LHFPL3: variants seen among roughly 807,000 people sequenced by gnomAD.
The protein encoded by LHFPL3 is LHFPL tetraspan subfamily member 3.
LHFPL3 carries 5 observed loss-of-function variants against 19.3 expected under a neutral mutation model. That is an observed-to-expected ratio of 0.26 (90% confidence interval 0.14 to 0.54). The LOEUF (loss-of-function observed/expected upper bound fraction) is 0.54. Ranked by LOEUF, LHFPL3 falls within the 20% of genes least tolerant of loss-of-function variation. The pLI is 0.94. For missense variants in LHFPL3, 249 were observed against 307.4 expected, an observed-to-expected ratio of 0.81 and a Z score of 1.42; for synonymous variants, 133 against 126.2, an observed-to-expected ratio of 1.05 and a Z score of -0.36.
intron 1 of LHFPL3, among the ~76,000 whole-genome samples, chr7:104,608,664 A>T (rs1341927401): frequency 2.6e-5 from 4 of 151,958 alleles, no homozygotes; most frequent in Admixed American, 6.6e-5. Flanking sequence ...ATAATAATAA[A>T]AAGAAAAAGG....
intron 1 of LHFPL3, among the ~76,000 whole-genome samples, chr7:104,608,680 C>T (rs929487671): frequency 2.0e-5 from 3 of 151,966 alleles, no homozygotes; most frequent in Admixed American, 6.5e-5. Context: ...AAAGGGGTGC[C>T]AAGCCTAAGA....
At chr7:104,559,892 G>A (rs1789948178) in intron 1 of LHFPL3, among the ~76,000 whole-genome samples, 1 of 145,402 alleles carries the variant, frequency 6.9e-6, no homozygotes, top group African/African-American at 2.8e-5. Flanking sequence ...TAGCATGAAG[G>A]TTGTTGAATT....
At chr7:104,522,219 G>A (rs1411232686) in intron 1 of LHFPL3, among the ~76,000 whole-genome samples, 5 of 152,056 alleles carry the variant, frequency 3.3e-5, no homozygotes, top group Non-Finnish European at 7.4e-5. Flanking sequence ...AAAAATTGGC[G>A]AGTTCATGTC....
intron 1 of LHFPL3, among the ~76,000 whole-genome samples, chr7:104,395,711 T>C (rs1056388382): frequency 3.9e-5 from 6 of 152,200 alleles, no homozygotes; most frequent in Admixed American, 1.3e-4. Flanking sequence ...TCCCAAACAT[T>C]CAATACTTTA....
At chr7:104,521,959 C>T (rs1376951387) in intron 1 of LHFPL3, among the ~76,000 whole-genome samples, 1 of 152,010 alleles carries the variant, frequency 6.6e-6, no homozygotes, top group African/African-American at 2.4e-5. Context: ...CTAGTTCAAC[C>T]ATTGTGGAAG....
At chr7:104,361,576 A>C (rs1050076265) in intron 1 of LHFPL3, among the ~76,000 whole-genome samples, 1 of 152,216 alleles carries the variant, frequency 6.6e-6, no homozygotes, top group African/African-American at 2.4e-5. Flanking sequence ...CCTTGGGATT[A>C]ACGAGATAAT....
chr7:104,619,953 C>T (rs1190921294), intron 1 of LHFPL3, among the ~76,000 whole-genome samples: 2 of 152,186 alleles, frequency 1.3e-5, no homozygotes, highest in Non-Finnish European at 2.9e-5. Context: ...CAGTCTAGAT[C>T]CCTTGCATGT....
intron 2 of LHFPL3, 95 bp downstream of exon 2, chr7:104,737,006 A>G (rs4236573): frequency 1.0e-6 from 1 of 969,496 alleles, no homozygotes; most frequent in Non-Finnish European, 1.6e-6. Flanking sequence ...GCTTCCCCTG[A>G]GGTTCTAATT....
intron 1 of LHFPL3, among the ~76,000 whole-genome samples, chr7:104,479,687 C>A (rs1321320319): frequency 6.6e-6 from 1 of 152,168 alleles, no homozygotes; most frequent in Non-Finnish European, 1.5e-5. Context: ...CCACTACGCC[C>A]GTCCTCTTCT....
At chr7:104,352,368 C>A (rs1470097035) in intron 1 of LHFPL3, among the ~76,000 whole-genome samples, 1 of 152,072 alleles carries the variant, frequency 6.6e-6, no homozygotes, top group Non-Finnish European at 1.5e-5. Context: ...TCTTAGAATA[C>A]TACCAAGTAT....
At chr7:104,429,559 G>A (rs1277948131) in intron 1 of LHFPL3, among the ~76,000 whole-genome samples, 2 of 151,032 alleles carry the variant, frequency 1.3e-5, no homozygotes, top group Admixed American at 6.6e-5. Context: ...CAGATGATCC[G>A]CCTGCCTCAG....
intron 1 of LHFPL3, among the ~76,000 whole-genome samples, chr7:104,495,676 C>T (rs1407113901): frequency 1.3e-5 from 2 of 152,152 alleles, no homozygotes; most frequent in African/African-American, 4.8e-5. Context: ...AGCTAACGCG[C>T]CTGGCCTAAA....
chr7:104,532,284 TG>T (rs200460223), intron 1 of LHFPL3, among the ~76,000 whole-genome samples: 1,600 of 117,514 alleles, frequency 0.014, 26 homozygotes, highest in African/African-American at 0.044. Flanking sequence ...GCTTGGCTAA[TG>T]TTTTTTTTTT....
chr7:104,352,490 C>T (rs1188608960), intron 1 of LHFPL3, among the ~76,000 whole-genome samples: 1 of 152,188 alleles, frequency 6.6e-6, no homozygotes, highest in Non-Finnish European at 1.5e-5. Context: ...GGCATCCAAT[C>T]TACCTTCCTG....
chr7:104,810,900 TTTAA>T (rs1790452578), intron 2 of LHFPL3, among the ~76,000 whole-genome samples: 1 of 152,206 alleles, frequency 6.6e-6, no homozygotes, highest in Admixed American at 6.5e-5. Context: ...CTCTATGGTG[TTTAA>T]TTAAGACACA....
chr7:104,449,392 G>A (rs1213538089), intron 1 of LHFPL3, among the ~76,000 whole-genome samples: 1 of 152,150 alleles, frequency 6.6e-6, no homozygotes, highest in Non-Finnish European at 1.5e-5. Context: ...GAGTACAGGT[G>A]TGGCAATCTG....
At chr7:104,803,096 T>G (rs1790287265) in intron 2 of LHFPL3, 1 of 152,248 alleles carries the variant, frequency 6.6e-6, no homozygotes, top group Admixed American at 6.5e-5. Context: ...ATAGCAGTTA[T>G]TTACCATTCC....
intron 1 of LHFPL3, among the ~76,000 whole-genome samples, chr7:104,632,479 T>C (rs1791661386): frequency 6.6e-6 from 1 of 152,250 alleles, no homozygotes; most frequent in Non-Finnish European, 1.5e-5. Context: ...AAATTTCTAA[T>C]AGATAACCAT....
At chr7:104,647,205 G>A (rs191618403) in intron 1 of LHFPL3, among the ~76,000 whole-genome samples, 1 of 152,188 alleles carries the variant, frequency 6.6e-6, no homozygotes, top group Admixed American at 6.5e-5. Context: ...TTCAAGAAGA[G>A]GAAATTTCTC....
Sources: gnomAD v4.1 joint callset for allele counts (sites outside exome capture counted in the v4.1 genomes callset) on GRCh38, gnomAD v4.1.1 for gene constraint, MANE v1.5 for transcripts, NCBI Gene and HGNC (gene_info 2026-07-23, HGNC 2026-07-21) for gene names.